The following USP32 variants were observed in gnomAD, a reference collection of about 807,000 sequenced individuals.
The protein encoded by USP32 is ubiquitin carboxyl-terminal hydrolase 32.
USP32 carries 59 observed loss-of-function variants against 204.8 expected under a neutral mutation model. The observed-to-expected ratio is 0.29, with a 90% confidence interval of 0.23 to 0.36. The LOEUF (loss-of-function observed/expected upper bound fraction) is 0.36. Ranked by LOEUF, USP32 falls within the 10% of genes least tolerant of loss-of-function variation. The pLI, the probability that USP32 is intolerant of heterozygous loss-of-function variation, is 1.00. For synonymous variants in USP32, 517 were observed against 678.4 expected, an observed-to-expected ratio of 0.76 and a Z score of 3.70; for missense variants, 1,160 against 1,946.4, an observed-to-expected ratio of 0.60 and a Z score of 7.60.
chr17:60,358,924 C>T (rs541398933), intron 1 of USP32, among the ~76,000 whole-genome samples: 1 of 152,326 alleles, frequency 6.6e-6, no homozygotes, highest in African/African-American at 2.4e-5. Context: ...AATGTTATAA[C>T]ACACAATAAA....
chr17:60,233,684 C>T (rs565131390), intron 12 of USP32, among the ~76,000 whole-genome samples: 5 of 152,250 alleles, frequency 3.3e-5, no homozygotes, highest in African/African-American at 1.2e-4. Context: ...GAAAAGAACA[C>T]TTTTCTAATT....
At chr17:60,341,297 G>A (rs1167719369) in intron 2 of USP32, among the ~76,000 whole-genome samples, 2 of 151,980 alleles carry the variant, frequency 1.3e-5, no homozygotes, top group Non-Finnish European at 2.9e-5. Context: ...ATCACTTTTT[G>A]CAGTGGCTGG....
chr17:60,267,037 C>T (rs2086610947), intron 7 of USP32, among the ~76,000 whole-genome samples: 1 of 151,788 alleles, frequency 6.6e-6, no homozygotes, highest in Admixed American at 6.6e-5. Flanking sequence ...GATCCACCGG[C>T]CTTGGCCTCC....
chr17:60,315,096 G>A (rs143958745), intron 2 of USP32, among the ~76,000 whole-genome samples: 3 of 152,152 alleles, frequency 2.0e-5, no homozygotes, highest in South Asian at 4.2e-4. Context: ...CTACAAGAAC[G>A]GCTATAATAA....
intron 4 of USP32, among the ~76,000 whole-genome samples, chr17:60,293,134 A>G (rs1027240403): frequency 1.3e-5 from 2 of 152,158 alleles, no homozygotes; most frequent in Admixed American, 1.3e-4. Context: ...GATTTTCTCT[A>G]TTACCACCTT....
chr17:60,405,225 CAG>C (rs1254416609), intron 1 of USP32, among the ~76,000 whole-genome samples: 1 of 152,032 alleles, frequency 6.6e-6, no homozygotes, highest in Non-Finnish European at 1.5e-5. Flanking sequence ...GTTTTTGAGA[CAG>C]AGTTTCGCTC....
intron 1 of USP32, among the ~76,000 whole-genome samples, chr17:60,382,406 C>T (rs2089660664): frequency 6.6e-6 from 1 of 152,166 alleles, no homozygotes; most frequent in Non-Finnish European, 1.5e-5. Flanking sequence ...CCTGAACCAC[C>T]ATGCCCAGCT....
At chr17:60,352,237 A>G (rs992177958) in intron 1 of USP32, among the ~76,000 whole-genome samples, 2 of 152,210 alleles carry the variant, frequency 1.3e-5, no homozygotes, top group East Asian at 3.8e-4. Context: ...AAGGCTTCTT[A>G]AAAGGTAACA....
At chr17:60,186,302 T>G (rs768967863) in intron 29 of USP32, among the ~76,000 whole-genome samples, 1 of 152,230 alleles carries the variant, frequency 6.6e-6, no homozygotes, top group Non-Finnish European at 1.5e-5. Flanking sequence ...GTGCTGATAG[T>G]AAGCCATTTA....
chr17:60,293,174 T>C (rs1372608389), intron 4 of USP32, among the ~76,000 whole-genome samples: 1 of 152,202 alleles, frequency 6.6e-6, no homozygotes, highest in African/African-American at 2.4e-5. Flanking sequence ...TTTTCCCCTA[T>C]AGCACTAATT....
At chr17:60,401,213 TG>T (rs1567897005) in intron 1 of USP32, among the ~76,000 whole-genome samples, 1 of 148,168 alleles carries the variant, frequency 6.7e-6, no homozygotes, top group Non-Finnish European at 1.5e-5. Flanking sequence ...CCCAGCACTT[TG>T]GGGGGCCAAG....
chr17:60,267,957 C>T (rs942593169), intron 7 of USP32, among the ~76,000 whole-genome samples: 1 of 152,052 alleles, frequency 6.6e-6, no homozygotes, highest in Non-Finnish European at 1.5e-5. Flanking sequence ...ATTACAGATG[C>T]CTGCCACTGC....
rs2086560433 is a variant in USP32, at chr17:60,265,280, T to G, written c.990+132A>C. The G allele has an allele frequency of 5.7e-6, 3 of 530,356 alleles. No individual in the cohort carries two copies. In the East Asian group the frequency reaches 9.7e-5, roughly 17 times the overall value. 32.9% of individuals were successfully genotyped at this position (530,356 alleles called of 1,614,324 possible). ...TCTTTGGAGATAACTTGGAGGTGTT[T>G]TACCCACAGGTCCAGATAAGTACTT... On this transcript the variant is annotated intron_variant, in intron 9 of 33. Transcript: ENST00000300896.
chr17:60,179,348 A>G lies in USP32; in HGVS notation c.4722T>C (p.Phe1574=), dbSNP rs769764728. 3.1e-6 allele frequency: 5 copies of G among 1,613,826 alleles called. No individual in the cohort carries two copies. Among genetic ancestry groups the G allele is most frequent in the Non-Finnish European group, 3.4e-6 (4 of 1,179,872 alleles). ...TCTTTTTGCCATCAGTCTTTGGCAG[A>G]AATTGTGCATAGTCTATCCCCTGCT... is the stretch of plus-strand genomic sequence containing the variant. ...YEQQGIDYAQ[F]LPKTDGKKMA... The change falls in exon 34 of 34, where the codon TTT becomes TTC. Residue 1574 remains phenylalanine, a synonymous_variant. Transcript: ENST00000300896.
chr17:60,205,455 G>T lies in USP32; in HGVS notation c.3241C>A (p.Arg1081=), dbSNP rs752031126. ...CCTAACATTTAACTAACCATTTTTC[G>T]GTGGACTGCAATGATGTAACCTGTA... is the stretch of plus-strand genomic sequence containing the variant. ...PFTGYIIAVH[R]KMMRTELYFL... Residue 1081 remains arginine, a synonymous_variant, in exon 26 of 34, where the codon CGA becomes AGA. Coordinates refer to ENST00000300896, the MANE Select transcript of USP32 (RefSeq NM_032582.4). The T allele has an allele frequency of 1.2e-6, 2 of 1,604,868 alleles. No homozygotes were observed. The highest frequency in any genetic ancestry group is 2.2e-5 in the East Asian group (1 of 44,742).
chr17:60,391,989 C>G lies in USP32; in HGVS notation c.-50G>C. The G allele has an allele frequency of 6.4e-7, 1 of 1,567,554 alleles. No individual in the cohort carries two copies. Among genetic ancestry groups the G allele is most frequent in the Non-Finnish European group, 8.7e-7 (1 of 1,154,868 alleles). ...GGTCGGAGCCTGATCTCGCCCCCAC[C>G]CCCCTCCCGCCTTCTCCTCGGCGTC... On this transcript the variant is annotated 5_prime_UTR_variant, in exon 1 of 34. Coordinates refer to ENST00000300896, the MANE Select transcript of USP32 (RefSeq NM_032582.4).
At chr17:60,222,897 G>T (rs2085291777) in intron 14 of USP32, among the ~76,000 whole-genome samples, 1 of 151,866 alleles carries the variant, frequency 6.6e-6, no homozygotes, top group Admixed American at 6.6e-5. Context: ...GGCCAGGCTG[G>T]TCTCAAACTC....
chr17:60,410,302 A>G (rs182955566), intron 1 of USP32, among the ~76,000 whole-genome samples: 13 of 151,998 alleles, frequency 8.6e-5, no homozygotes, highest in Admixed American at 2.0e-4. Flanking sequence ...TTGACCCCCT[A>G]TGATTTCATC....
intron 5 of USP32, among the ~76,000 whole-genome samples, chr17:60,280,860 T>C (rs575192252): frequency 3.3e-5 from 5 of 152,354 alleles, no homozygotes; most frequent in African/African-American, 1.2e-4. Context: ...ATATAAATCA[T>C]AGTCATCAAA....
Sources: allele counts gnomAD v4.1 joint callset (sites outside exome capture counted in the v4.1 genomes callset), GRCh38; gene constraint gnomAD v4.1.1; transcripts MANE v1.5; gene names NCBI Gene and HGNC (gene_info 2026-07-23, HGNC 2026-07-21).